ANKRD33: variants seen among roughly 807,000 people sequenced by gnomAD.
The protein encoded by ANKRD33 is ankyrin repeat domain 33.
ANKRD33 carries 20 observed loss-of-function variants against 20.6 expected under a neutral mutation model. The ratio of observed to expected loss-of-function variants is 0.97; its 90% CI spans 0.68 to 1.41. ANKRD33 has a LOEUF of 1.41. Among genes scored for constraint, ANKRD33 ranks in the 40% most tolerant of loss-of-function variants. ANKRD33 has a pLI of 0.00. For synonymous variants in ANKRD33, 246 were observed against 245.0 expected, an observed-to-expected ratio of 1.00 and a Z score of -0.04; for missense variants, 545 against 579.6, an observed-to-expected ratio of 0.94 and a Z score of 0.61.
Position 51,891,182 on chromosome 12 carries a change from C to T in ANKRD33, c.1236C>T (p.His412=), listed in dbSNP as rs1395691586. Residue 412 remains histidine, a synonymous_variant, in exon 5 of 5, where the codon CAC becomes CAT. Transcript: ENST00000301190. Reference sequence around the variant, plus strand: ...TCTCCAAGGCATCCTCATCCTCCCACCAGTGCCAGCCGAAGCCCAGTCCTT... The same window carrying T: ...TCTCCAAGGCATCCTCATCCTCCCATCAGTGCCAGCCGAAGCCCAGTCCTT... The part of the protein sequence containing the change: ...ILLSKASSSS[H]QCQPKPSPSG... The T allele has an allele frequency of 1.9e-6, 3 of 1,614,272 alleles. No individual in the cohort carries two copies. Among genetic ancestry groups the T allele is most frequent in the South Asian group, 1.1e-5 (1 of 91,088 alleles).
intron 4 of ANKRD33, 170 bp from the exon 5 acceptor site, chr12:51,890,414 C>A: frequency 6.7e-7 from 1 of 1,488,434 alleles, no homozygotes; most frequent in South Asian, 1.2e-5. Flanking sequence ...GTGTCTTAAT[C>A]TCTCTTAAAC....
intron 3 of ANKRD33, 65 bp downstream of exon 3, chr12:51,889,261 C>A: frequency 6.2e-7 from 1 of 1,612,080 alleles, no homozygotes; most frequent in Non-Finnish European, 8.5e-7. Flanking sequence ...CTCAGCCCCA[C>A]CCTTGTTGCA....
At chr12:51,889,630 A>C in intron 4 of ANKRD33, 148 bp downstream of exon 4, 3 of 1,388,680 alleles carry the variant, frequency 2.2e-6, no homozygotes, top group East Asian at 2.5e-5. Context: ...TGGGGGATCA[A>C]TCTAGTTCAC....
Position 51,890,900 on chromosome 12 carries a change from C to T in ANKRD33, c.954C>T (p.Pro318=), listed in dbSNP as rs748867994. ...LVTATTSLAS[P]FVTTACHTLC... is the part of the protein sequence containing the mutation. Reference sequence around the variant, plus strand: ...CTGCCACAACCAGCCTGGCCAGTCCCTTCGTCACCACTGCCTGCCACACTC... The same window carrying T: ...CTGCCACAACCAGCCTGGCCAGTCCTTTCGTCACCACTGCCTGCCACACTC... The change falls in exon 5 of 5, where the codon CCC becomes CCT. Residue 318 remains proline (P), a synonymous_variant. Coordinates refer to ENST00000301190, the MANE Select transcript of ANKRD33 (RefSeq NM_182608.4). 9 of 1,613,406 alleles carry T rather than the reference C, an allele frequency of 5.6e-6. No individual in the cohort carries two copies. The Middle Eastern group carries it at 9.9e-4, about 177-fold the overall frequency.
rs780606710 is a variant in ANKRD33, at chr12:51,891,175, C to A, written c.1229C>A (p.Ser410Tyr). ...PKILLSKASS[S>Y]SHQCQPKPSP... ...ATCCTCCTCTCCAAGGCATCCTCAT[C>A]CTCCCACCAGTGCCAGCCGAAGCCC... The change falls in exon 5 of 5, where the codon TCC becomes TAC. Residue 410 changes from serine to tyrosine, a missense_variant. Coordinates refer to ENST00000301190, the MANE Select transcript of ANKRD33 (RefSeq NM_182608.4). 1.9e-6 allele frequency: 3 copies of A among 1,614,132 alleles called. No homozygotes were observed. In the African/African-American group the frequency reaches 4.0e-5, roughly 22 times the overall value.
rs141370817 is a variant in ANKRD33, at chr12:51,890,738, G to A, written c.792G>A (p.Pro264=). The change falls in exon 5 of 5, where the codon CCG becomes CCA. Residue 264 remains proline, a synonymous_variant. Transcript: ENST00000301190. The stretch of plus-strand genomic sequence containing the variant: ...GCCAGCACTACAAGCCCGAGTGGCC[G>A]GCCTTGTCCGGGCTCGTGGCCCAGG... ...QLSQHYKPEW[P]ALSGLVAQAQ... is the part of the protein sequence containing the mutation. 1.3e-5 allele frequency: 21 copies of A among 1,604,046 alleles called. No homozygotes were observed. The African/African-American group carries it at 1.9e-4, about 14-fold the overall frequency.
intron 4 of ANKRD33, 70 bp downstream of exon 4, chr12:51,889,552 C>T: frequency 6.4e-7 from 1 of 1,565,262 alleles, no homozygotes; most frequent in Non-Finnish European, 8.7e-7. Context: ...CCTCCAGTCC[C>T]TCCTCCAAGC....
rs557833525 is a variant in ANKRD33, at chr12:51,891,615, C to T, written c.*310C>T. The T allele has an allele frequency of 6.9e-4, 262 of 377,480 alleles. No individual in the cohort carries two copies. The highest frequency in any genetic ancestry group is 5.0e-3 in the African/African-American group (254 of 50,378). The allele number at this position is 377,480 out of a possible 1,614,324, so 23.4% of individuals were successfully genotyped here. ...AAGCTGTTTATATTCTGATATGAAA[C>T]TACCATCAAGATGTATAAAGTAAAA... is the stretch of plus-strand genomic sequence containing the variant. On this transcript the variant is annotated 3_prime_UTR_variant, in exon 5 of 5. Coordinates refer to ENST00000301190, the MANE Select transcript of ANKRD33 (RefSeq NM_182608.4).
In ANKRD33 at chr12:51,889,550, C is replaced by A. The variant is rs1163656783; in HGVS notation, c.637+68C>A. On this transcript the variant is annotated intron_variant, in intron 4 of 4. Transcript: ENST00000301190. ...TGGACCGGGGTGTGTGGCCTCCAGT[C>A]CCTCCTCCAAGCCTTCCCACCAGAC... The A allele has an allele frequency of 2.5e-6, 4 of 1,572,274 alleles. No homozygotes were observed. In the African/African-American group the frequency reaches 4.0e-5, roughly 16 times the overall value.
chr12:51,891,140 A>C lies in ANKRD33; in HGVS notation c.1194A>C (p.Gln398His). 6.2e-7 allele frequency: 1 copy of C among 1,614,230 alleles called. No individual in the cohort carries two copies. The highest frequency in any genetic ancestry group is 2.2e-5 in the East Asian group (1 of 44,886). The stretch of plus-strand genomic sequence containing the variant: ...GGGATAGCACCAGCCCCAGGCCCCA[A>C]GTCCCCAAGATCCTCCTCTCCAAGG... ...QPRDSTSPRP[Q>H]VPKILLSKAS... The change falls in exon 5 of 5, where the codon CAA becomes CAC. Residue 398 changes from glutamine to histidine, a missense_variant. Physicochemically the swap from Gln to His is conservative, Grantham distance 24. Coordinates refer to ENST00000301190, the MANE Select transcript of ANKRD33 (RefSeq NM_182608.4).
intron 4 of ANKRD33, chr12:51,890,235 G>T (rs946553328): frequency 6.9e-6 from 3 of 436,076 alleles, no homozygotes; most frequent in Non-Finnish European, 1.3e-5. Context: ...GGAACCAGCC[G>T]ATCATCCCCA....
At position 51,890,777 on chromosome 12, in the gene ANKRD33, C is replaced by T. The variant is rs1395451725; in HGVS notation, c.831C>T (p.Ala277=). The change falls in exon 5 of 5, where the codon GCC becomes GCT. Residue 277 remains alanine (A), a synonymous_variant. Transcript: ENST00000301190. ...TCGTGGCCCAGGCCCAGGCCCAGGC[C>T]CAGGTTGCCCCTTCACTCCTAGAAC... is the stretch of plus-strand genomic sequence containing the variant. ...SGLVAQAQAQ[A]QVAPSLLERL... The T allele has an allele frequency of 3.1e-6, 5 of 1,605,482 alleles. No homozygotes were observed. In the South Asian group the frequency reaches 3.3e-5, roughly 11 times the overall value.
Position 51,891,231 on chromosome 12 carries a change from C to T in ANKRD33, c.1285C>T (p.Pro429Ser). 6.2e-7 allele frequency: 1 copy of T among 1,614,258 alleles called. No homozygotes were observed. Reference sequence around the variant, plus strand: ...TTCAGGACACCAAAGTCTGGCCCTTCCTCTCTGGCGATACCAGGAGCTCAG... The same window carrying T: ...TTCAGGACACCAAAGTCTGGCCCTTTCTCTCTGGCGATACCAGGAGCTCAG... ...SPSGHQSLAL[P>S]LWRYQELRIE... Residue 429 changes from proline (P) to serine (S), a missense_variant, in exon 5 of 5, where the codon CCT becomes TCT. Physicochemically the swap from Pro to Ser is moderately conservative, Grantham distance 74 (BLOSUM62 -1). Coordinates refer to ENST00000301190, the MANE Select transcript of ANKRD33 (RefSeq NM_182608.4).
rs779892963 is a variant in ANKRD33, at chr12:51,891,186, T to G, written c.1240T>G (p.Cys414Gly). 3.1e-6 allele frequency: 5 copies of G among 1,614,116 alleles called. No homozygotes were observed. The East Asian group carries it at 1.1e-4, about 36-fold the overall frequency. ...CAAGGCATCCTCATCCTCCCACCAG[T>G]GCCAGCCGAAGCCCAGTCCTTCAGG... is the stretch of plus-strand genomic sequence containing the variant. ...LSKASSSSHQ[C>G]QPKPSPSGHQ... The change falls in exon 5 of 5, where the codon TGC becomes GGC. Residue 414 changes from cysteine (C) to glycine (G), a missense_variant. Cys to Gly is a radical substitution (Grantham distance 159). Transcript: ENST00000301190.
intron 4 of ANKRD33, chr12:51,890,346 C>T: frequency 4.9e-6 from 5 of 1,019,776 alleles, no homozygotes; most frequent in Non-Finnish European, 7.3e-6. Flanking sequence ...CCCTATTCTG[C>T]CCTAGGTGGA....
chr12:51,888,798 C>T lies in ANKRD33; in HGVS notation c.376C>T (p.Gln126Ter), dbSNP rs1940307714. The change falls in exon 2 of 5, where the codon CAG becomes TAG. Residue 126 changes from glutamine to a stop codon, truncating the protein, a stop_gained. Coordinates refer to ENST00000301190, the MANE Select transcript of ANKRD33 (RefSeq NM_182608.4). LOFTEE classifies it high-confidence loss of function. ...DGGVSPEEAT[Q>*]VDSNGRTGLM... ...TGGGGTCTCCCCAGAGGAGGCCACC[C>T]AGGTGGACAGCAATGGGAGGGTGAG... The T allele has an allele frequency of 6.2e-7, 1 of 1,613,692 alleles. No individual in the cohort carries two copies. The highest frequency in any genetic ancestry group is 1.1e-5 in the South Asian group (1 of 91,082).
chr12:51,891,008 G>C lies in ANKRD33; in HGVS notation c.1062G>C (p.Leu354=). 3 of 1,613,266 alleles carry C rather than the reference G, an allele frequency of 1.9e-6. No homozygotes were observed. Among genetic ancestry groups the C allele is most frequent in the Non-Finnish European group, 1.7e-6 (2 of 1,179,858 alleles). ...TAGGTACTGCCCCGCCCCCTCCCCT[G>C]GTTCCCCAGTCCCCGCCAGGGAGTC... ...ELLGTAPPPP[L]VPQSPPGSPQ... is the part of the protein sequence containing the mutation. Residue 354 remains leucine (L), a synonymous_variant, in exon 5 of 5, where the codon CTG becomes CTC. Transcript: ENST00000301190.
chr12:51,889,250 C>G, intron 3 of ANKRD33, 54 bp downstream of exon 3: 1 of 1,612,890 alleles, frequency 6.2e-7, no homozygotes, highest in Non-Finnish European at 8.5e-7. Context: ...GCAGACAGGG[C>G]CTCAGCCCCA....
chr12:51,891,607 A>G lies in ANKRD33; in HGVS notation c.*302A>G, dbSNP rs1391776190. 6 of 395,074 alleles carry G rather than the reference A, an allele frequency of 1.5e-5. No homozygotes were observed. The highest frequency in any genetic ancestry group is 2.3e-5 in the Non-Finnish European group (5 of 222,174). The allele number at this position is 395,074 out of a possible 1,614,324, so 24.5% of individuals were successfully genotyped here. The stretch of plus-strand genomic sequence containing the variant: ...GACTAAGGAAGCTGTTTATATTCTG[A>G]TATGAAACTACCATCAAGATGTATA... On this transcript the variant is annotated 3_prime_UTR_variant, in exon 5 of 5. Coordinates refer to ENST00000301190, the MANE Select transcript of ANKRD33 (RefSeq NM_182608.4).
Sources: allele counts gnomAD v4.1 joint callset, GRCh38; gene constraint gnomAD v4.1.1; transcripts MANE v1.5; gene names NCBI Gene and HGNC (gene_info 2026-07-23, HGNC 2026-07-21).